Variants in LRRC3B observed in about 807,000 individuals in gnomAD.
LRRC3B encodes the protein leucine rich repeat containing 3B.
In LRRC3B, 2 loss-of-function variants were observed where a neutral mutation model predicts 12.8. The ratio of observed to expected loss-of-function variants is 0.16; its 90% confidence interval spans 0.06 to 0.49. The LOEUF is 0.49. Among genes scored for constraint, LRRC3B ranks in the 20% least tolerant of loss-of-function variants. LRRC3B has a pLI of 0.96. For missense variants in LRRC3B, 189 were observed against 319.4 expected, an observed-to-expected ratio of 0.59 and a Z score of 3.11; for synonymous variants, 132 against 122.0, an observed-to-expected ratio of 1.08 and a Z score of -0.54.
chr3:26,686,807 G>A (rs530461939), intron 1 of LRRC3B, among the ~76,000 whole-genome samples: 1 of 150,508 alleles, frequency 6.6e-6, no homozygotes, highest in East Asian at 2.0e-4. Context: ...AAGCTGTGAT[G>A]CAGAACCAAC....
chr3:26,705,413 G>A (rs1204452499), intron 1 of LRRC3B, among the ~76,000 whole-genome samples: 1 of 151,974 alleles, frequency 6.6e-6, no homozygotes, highest in Non-Finnish European at 1.5e-5. Context: ...GGGTAGTCCA[G>A]TGAGTCGAGA....
chr3:26,687,981 A>T (rs901682536), intron 1 of LRRC3B, among the ~76,000 whole-genome samples: 2 of 152,230 alleles, frequency 1.3e-5, no homozygotes, highest in Admixed American at 6.5e-5. Context: ...CTTTTGTCAG[A>T]TTCCTCCTTG....
intron 1 of LRRC3B, among the ~76,000 whole-genome samples, chr3:26,655,777 T>C (rs968353986): frequency 6.6e-6 from 1 of 152,194 alleles, no homozygotes; most frequent in African/African-American, 2.4e-5. Context: ...ATATTAATAA[T>C]GTCTACTGGT....
At position 26,647,117 on chromosome 3, in the gene LRRC3B, C is replaced by G. The variant is rs148135734; in HGVS notation, c.-161+23880C>G. Among the ~76,000 whole-genome samples, 17 of 152,222 alleles carry G rather than the reference C, an allele frequency of 1.1e-4. No homozygotes were observed. The East Asian group carries it at 3.3e-3, about 29-fold the overall frequency. ...CAAGCTGCTGAACTTACACTTCCTT[C>G]TACTTGATGCATTCCTCCCTCCAAT... On this transcript the variant is annotated intron_variant, in intron 1 of 1. Transcript: ENST00000396641.
chr3:26,708,707 T>C (rs142712384), intron 1 of LRRC3B, among the ~76,000 whole-genome samples: 138 of 152,348 alleles, frequency 9.1e-4, no homozygotes, highest in African/African-American at 3.1e-3. Context: ...ACAGTATATG[T>C]ATGCAACATG....
chr3:26,643,637 A>G (rs1699081232), intron 1 of LRRC3B, among the ~76,000 whole-genome samples: 1 of 152,196 alleles, frequency 6.6e-6, no homozygotes. Flanking sequence ...CAGGCCACAA[A>G]GAGTGATCTT....
intron 1 of LRRC3B, among the ~76,000 whole-genome samples, chr3:26,690,996 C>G (rs1056413663): frequency 1.3e-5 from 2 of 149,550 alleles, no homozygotes; most frequent in Non-Finnish European, 3.0e-5. Flanking sequence ...CTTTAGGGAA[C>G]AAGGACTTAA....
At chr3:26,672,139 A>C (rs1348309788) in intron 1 of LRRC3B, among the ~76,000 whole-genome samples, 2 of 152,214 alleles carry the variant, frequency 1.3e-5, no homozygotes, top group African/African-American at 4.8e-5. Flanking sequence ...TTTATGTTTT[A>C]ATTAACAGAG....
intron 1 of LRRC3B, among the ~76,000 whole-genome samples, chr3:26,690,450 T>C (rs1372205341): frequency 2.6e-5 from 4 of 152,188 alleles, no homozygotes; most frequent in African/African-American, 9.6e-5. Context: ...GTGTTATGTC[T>C]GAGCAAGGAG....
intron 1 of LRRC3B, among the ~76,000 whole-genome samples, chr3:26,678,950 T>G (rs562384063): frequency 2.0e-5 from 3 of 152,284 alleles, no homozygotes; most frequent in African/African-American, 7.2e-5. Context: ...AGTATTTGGG[T>G]GGGCTCTGTT....
intron 1 of LRRC3B, among the ~76,000 whole-genome samples, chr3:26,666,754 T>C (rs961786857): frequency 1.2e-4 from 18 of 152,166 alleles, no homozygotes; most frequent in African/African-American, 3.4e-4. Flanking sequence ...TTCCCACTAA[T>C]GTGCTTTTCT....
intron 1 of LRRC3B, among the ~76,000 whole-genome samples, chr3:26,638,076 G>A (rs1218392564): frequency 2.6e-5 from 4 of 152,134 alleles, no homozygotes; most frequent in Non-Finnish European, 4.4e-5. Flanking sequence ...GAACAAACAA[G>A]TATGAATAAG....
intron 1 of LRRC3B, among the ~76,000 whole-genome samples, chr3:26,636,966 CTT>C (rs1491354481): frequency 0.017 from 2,015 of 118,294 alleles, 19 homozygotes; most frequent in Middle Eastern, 0.037. Flanking sequence ...TTCTTTCTTT[CTT>C]TCTTTCTCTC....
intron 1 of LRRC3B, among the ~76,000 whole-genome samples, chr3:26,671,369 TATATAGAGAGAGAG>T (rs1471675474): frequency 5.8e-4 from 22 of 38,196 alleles, no homozygotes; most frequent in Non-Finnish European, 9.8e-4. Flanking sequence ...TATATATATA[TATATAGAGAGAGAG>T]AGAGAGAGAG....
intron 1 of LRRC3B, among the ~76,000 whole-genome samples, chr3:26,672,359 C>G (rs757419840): frequency 5.9e-5 from 9 of 152,122 alleles, no homozygotes; most frequent in Non-Finnish European, 1.3e-4. Flanking sequence ...GTTGGTAGCT[C>G]AGTTCTTAAT....
chr3:26,636,820 C>CCCTCCCTCCCTCCCTCCCTG (rs1423740360), intron 1 of LRRC3B, among the ~76,000 whole-genome samples: 1 of 71,940 alleles, frequency 1.4e-5, no homozygotes, highest in African/African-American at 8.1e-5. Flanking sequence ...CTCCCTCCCT[C>CCCTCCCTCCCTCCCTCCCTG]CCTCCCTCCC....
intron 1 of LRRC3B, among the ~76,000 whole-genome samples, chr3:26,654,004 G>A (rs1699319901): frequency 6.6e-6 from 1 of 152,108 alleles, no homozygotes; most frequent in African/African-American, 2.4e-5. Context: ...TAGCCTGTGT[G>A]ATACATTTCC....
intron 1 of LRRC3B, among the ~76,000 whole-genome samples, chr3:26,671,400 A>AGG (rs1553603755): frequency 3.2e-5 from 4 of 126,940 alleles, no homozygotes; most frequent in African/African-American, 6.2e-5. Flanking sequence ...AGAGAGAGAG[A>AGG]GAGAGAGAGA....
intron 1 of LRRC3B, among the ~76,000 whole-genome samples, chr3:26,656,775 A>C (rs1227228764): frequency 2.0e-5 from 3 of 152,230 alleles, no homozygotes; most frequent in African/African-American, 7.2e-5. Context: ...AATCAGAATC[A>C]ATGGCTCCTG....
Sources: allele counts gnomAD v4.1 joint callset (sites outside exome capture counted in the v4.1 genomes callset), GRCh38; gene constraint gnomAD v4.1.1; transcripts MANE v1.5; gene names NCBI Gene and HGNC (gene_info 2026-07-23, HGNC 2026-07-21).